The following NFIB variants were observed in gnomAD, a reference collection of about 807,000 sequenced individuals.
NFIB encodes the protein nuclear factor I B.
A neutral mutation model predicts 61.5 loss-of-function variants in NFIB; 11 were observed. That is an observed-to-expected ratio of 0.18 (90% CI 0.11 to 0.30). The LOEUF (loss-of-function observed/expected upper bound fraction) is 0.30, where lower values mean the gene tolerates loss of function less well. Ranked by LOEUF, NFIB falls within the 10% of genes least tolerant of loss-of-function variation. The probability of loss-of-function intolerance (pLI) is 1.00; values close to 1 mark genes in which losing one functional copy is unlikely to be tolerated. For synonymous variants in NFIB, 260 were observed against 216.5 expected (o/e 1.20, Z -1.76); for missense variants, 471 against 608.9 (o/e 0.77, Z 2.38).
chr9:14,158,404 C>A (rs2043718725), intron 3 of NFIB, among the ~76,000 whole-genome samples: 1 of 152,190 alleles, frequency 6.6e-6, no homozygotes, highest in Non-Finnish European at 1.5e-5. Flanking sequence ...TTCCTCTGTA[C>A]TTGTATAGCA....
rs184159634 is a variant in NFIB at position 14,340,422 on chromosome 9, C to G, written c.109-32902G>C. ...TAAAAAAGAATACCGATGCCCACAC[C>G]ACACTCGTAGCAATTCTAATTTAAT... On this transcript the variant is annotated intron_variant, in intron 1 of 8. Coordinates refer to the NFIB transcript ENST00000380934. Among the ~76,000 whole-genome samples, 6 of 152,300 alleles carry G rather than the reference C, an allele frequency of 3.9e-5. No homozygotes were observed. The East Asian group carries it at 1.2e-3, about 29-fold the overall frequency.
chr9:14,439,837 A>G, the NFIB span, among the ~76,000 whole-genome samples: 1 of 152,042 alleles, frequency 6.6e-6, no homozygotes, highest in Admixed American at 6.6e-5. Flanking sequence ...GGTTGAAAAC[A>G]CCCCCGAGGC....
In NFIB at chr9:14,398,536, GCA is replaced by G. The variant is rs1253171497; in HGVS notation, c.94_95del (p.Cys32LeufsTer5). 6.5e-7 allele frequency: 1 copy of G among 1,534,208 alleles called. No individual in the cohort carries two copies. The highest frequency in any genetic ancestry group is 2.0e-5 in the Admixed American group (1 of 50,806). On this transcript the variant is annotated frameshift_variant, in exon 1 of 9. Coordinates refer to the NFIB transcript ENST00000380934. LOFTEE classifies it high-confidence loss of function. Reference sequence around the variant, plus strand: ...AATTTAGACTCACAGAAAATCCAAAGCACAGAGTTGACATTCTTTTAGGAATC... The same window carrying G: ...AATTTAGACTCACAGAAAATCCAAAGCAGAGTTGACATTCTTTTAGGAATC...
the NFIB span, among the ~76,000 whole-genome samples, chr9:14,456,425 G>A: frequency 6.6e-6 from 1 of 152,040 alleles, no homozygotes; most frequent in Non-Finnish European, 1.5e-5. Context: ...CTGCAAAAAT[G>A]TTTTCAACTT....
intron 2 of NFIB, among the ~76,000 whole-genome samples, chr9:14,250,157 G>A (rs1293193679): frequency 6.6e-6 from 1 of 152,174 alleles, no homozygotes; most frequent in Admixed American, 6.5e-5. Context: ...TAACAGGGAG[G>A]AGGGTCTTTT....
chr9:14,254,042 C>T (rs1327510504), intron 2 of NFIB, among the ~76,000 whole-genome samples: 3 of 152,098 alleles, frequency 2.0e-5, no homozygotes. Flanking sequence ...TAGCTCATGC[C>T]CGTAATCCCA....
intron 2 of NFIB, among the ~76,000 whole-genome samples, chr9:14,223,394 T>C (rs367578683): frequency 1.2e-4 from 18 of 152,222 alleles, no homozygotes; most frequent in African/African-American, 4.3e-4. Context: ...ACTGCATTGC[T>C]TTTCTGAATT....
chr9:14,263,608 A>C (rs997412143), intron 2 of NFIB, among the ~76,000 whole-genome samples: 1 of 152,202 alleles, frequency 6.6e-6, no homozygotes, highest in South Asian at 2.1e-4. Context: ...GAAGGATCTG[A>C]GTGGCTATAC....
the NFIB span, among the ~76,000 whole-genome samples, chr9:14,520,181 A>G: frequency 6.6e-6 from 1 of 152,156 alleles, no homozygotes; most frequent in Non-Finnish European, 1.5e-5. Flanking sequence ...GGAAATACCC[A>G]TTCTATCTAT....
intron 2 of NFIB, among the ~76,000 whole-genome samples, chr9:14,194,734 T>C (rs1447607609): frequency 1.3e-5 from 2 of 152,112 alleles, no homozygotes; most frequent in African/African-American, 4.8e-5. Flanking sequence ...ATAATTTGGC[T>C]GAGAAATAGG....
At chr9:14,528,835 T>C in the NFIB span, among the ~76,000 whole-genome samples, 1 of 152,158 alleles carries the variant, frequency 6.6e-6, no homozygotes, top group Non-Finnish European at 1.5e-5. Flanking sequence ...AAAGGAAACA[T>C]ATAGCATCAT....
intron 1 of NFIB, among the ~76,000 whole-genome samples, chr9:14,388,363 AGAAAGAAG>A (rs763396277): frequency 0.065 from 5,319 of 81,618 alleles, 175 homozygotes; most frequent in East Asian, 0.12. Context: ...AAAAAGAGAA[AGAAAGAAG>A]GAAGGAAGGA....
the NFIB span, among the ~76,000 whole-genome samples, chr9:14,446,123 C>G: frequency 2.0e-5 from 3 of 152,136 alleles, no homozygotes; most frequent in Admixed American, 2.0e-4. Flanking sequence ...GAAGAACGTG[C>G]CTTTGCTGTC....
chr9:14,231,670 G>A (rs923466607), intron 2 of NFIB, among the ~76,000 whole-genome samples: 2 of 152,100 alleles, frequency 1.3e-5, no homozygotes, highest in Middle Eastern at 3.2e-3. Context: ...TTTAAAACAG[G>A]TTTTAACTTA....
intron 10 of NFIB, among the ~76,000 whole-genome samples, chr9:14,110,003 G>T (rs978620463): frequency 6.6e-6 from 1 of 152,010 alleles, no homozygotes; most frequent in Non-Finnish European, 1.5e-5. Flanking sequence ...TAAATGATAT[G>T]AAAGTGTATA....
chr9:14,315,392 C>G (rs1470040178), upstream of NFIB, among the ~76,000 whole-genome samples: 1 of 150,628 alleles, frequency 6.6e-6, no homozygotes, highest in Admixed American at 6.6e-5. Context: ...ACCTCCTCCC[C>G]GCGCCCGGCT....
At chr9:14,265,979 G>C (rs771048403) in intron 2 of NFIB, among the ~76,000 whole-genome samples, 9 of 152,296 alleles carry the variant, frequency 5.9e-5, no homozygotes, top group Non-Finnish European at 1.3e-4. Flanking sequence ...GAATGAATCA[G>C]AACTAATTAG....
At chr9:14,417,784 T>TC in the NFIB span, among the ~76,000 whole-genome samples, 4 of 145,940 alleles carry the variant, frequency 2.7e-5, no homozygotes, top group African/African-American at 1.0e-4. Flanking sequence ...GTTTTTTTTT[T>TC]TTTTTTTTTT....
At chr9:14,312,504 G>C (rs1034096429) in intron 1 of NFIB, among the ~76,000 whole-genome samples, 1 of 152,160 alleles carries the variant, frequency 6.6e-6, no homozygotes, top group Non-Finnish European at 1.5e-5. Context: ...ACAGTTCTGG[G>C]CTAAGATATT....
Sources: allele counts gnomAD v4.1 joint callset (sites outside exome capture counted in the v4.1 genomes callset), GRCh38; gene constraint gnomAD v4.1.1; transcripts MANE v1.5; gene names NCBI Gene and HGNC (gene_info 2026-07-23, HGNC 2026-07-21).